The following FBXO21 variants were observed in gnomAD, a reference collection of about 807,000 sequenced individuals.
The protein encoded by FBXO21 is F-box only protein 21.
A neutral mutation model predicts 76.6 loss-of-function variants in FBXO21; 32 were observed. That is an observed-to-expected ratio of 0.42 (90% CI 0.32 to 0.56). The LOEUF (loss-of-function observed/expected upper bound fraction) is 0.56. FBXO21 is among the 20% of genes least tolerant of loss of function. FBXO21 has a pLI of 0.16. For missense variants in FBXO21, 586 were observed against 797.3 expected, an observed-to-expected ratio of 0.73 and a Z score of 3.19; for synonymous variants, 328 against 311.5, an observed-to-expected ratio of 1.05 and a Z score of -0.56.
intron 11 of FBXO21, among the ~76,000 whole-genome samples, chr12:117,153,384 T>C (rs1429044326): frequency 1.3e-5 from 2 of 152,160 alleles, no homozygotes; most frequent in Non-Finnish European, 2.9e-5. Flanking sequence ...TTTCTTTCTT[T>C]ACAGAGATAA....
At chr12:117,166,875 C>T (rs1044088465) in intron 8 of FBXO21, 23 bp downstream of exon 8, 12 of 1,609,504 alleles carry the variant, frequency 7.5e-6, no homozygotes, top group Non-Finnish European at 1.0e-5. Flanking sequence ...TGCAGAAGTA[C>T]TAGAAAACCA....
intron 3 of FBXO21, among the ~76,000 whole-genome samples, chr12:117,182,431 G>A (rs1956243308): frequency 6.6e-6 from 1 of 151,998 alleles, no homozygotes; most frequent in Non-Finnish European, 1.5e-5. Context: ...CAAGGTTACA[G>A]TGAGCCATGA....
In FBXO21 at chr12:117,174,627, G is replaced by A. The variant is rs377054607; in HGVS notation, c.739+24C>T. On this transcript the variant is annotated intron_variant, in intron 5 of 11. Transcript: ENST00000622495. ...CTCTAGATTTTCTTTCATAAATACA[G>A]CTGGATCCAAAGCAATGCCACACCT... 259 of 1,610,650 alleles carry A rather than the reference G, an allele frequency of 1.6e-4. 1 individual carries two copies. The highest frequency in any genetic ancestry group is 2.1e-4 in the Non-Finnish European group (250 of 1,178,372).
Position 117,145,937 on chromosome 12 carries a change from T to C in FBXO21, c.*150A>G, listed in dbSNP as rs1955764199. On this transcript the variant is annotated 3_prime_UTR_variant, in exon 12 of 12. Coordinates refer to ENST00000622495, the MANE Select transcript of FBXO21 (RefSeq NM_015002.3). ...GCAGCTGGGGAAGAGCACACGGTAT[T>C]TAAACTTAGTAGGAGGCAACCAGCA... 1.8e-6 allele frequency: 1 copy of C among 567,168 alleles called. No individual in the cohort carries two copies. The highest frequency in any genetic ancestry group is 2.7e-5 in the South Asian group (1 of 37,648). The allele number at this position is 567,168 out of a possible 1,614,324, so 35.1% of individuals were successfully genotyped here.
intron 5 of FBXO21, 144 bp from the exon 6 acceptor site, chr12:117,174,485 T>C (rs2135874455): frequency 1.7e-6 from 2 of 1,189,472 alleles, no homozygotes; most frequent in Admixed American, 4.0e-5. Context: ...AGGCAGTATG[T>C]ATTTGAAGTG....
chr12:117,145,950 G>A lies in FBXO21; in HGVS notation c.*137C>T. ...AGCACACGGTATTTAAACTTAGTAG[G>A]AGGCAACCAGCACTACTGGTGGAGT... is the stretch of plus-strand genomic sequence containing the variant. On this transcript the variant is annotated 3_prime_UTR_variant, in exon 12 of 12. Coordinates refer to ENST00000622495, the MANE Select transcript of FBXO21 (RefSeq NM_015002.3). 1 of 605,062 alleles carries A rather than the reference G, an allele frequency of 1.7e-6. No homozygotes were observed. Among genetic ancestry groups the A allele is most frequent in the Non-Finnish European group, 2.8e-6 (1 of 355,952 alleles). The allele number at this position is 605,062 out of a possible 1,614,324, so 37.5% of individuals were successfully genotyped here.
At chr12:117,181,604 T>TCTAG (rs1555242812) in intron 3 of FBXO21, among the ~76,000 whole-genome samples, 1 of 87,192 alleles carries the variant, frequency 1.1e-5, no homozygotes, top group Non-Finnish European at 2.1e-5. Flanking sequence ...AGACAGTCTA[T>TCTAG]CTATCTATCT....
At chr12:117,168,416 C>T (rs955142508) in intron 7 of FBXO21, among the ~76,000 whole-genome samples, 1 of 152,012 alleles carries the variant, frequency 6.6e-6, no homozygotes, top group East Asian at 1.9e-4. Context: ...CCCAGCTACT[C>T]GGGAGGCTGA....
intron 3 of FBXO21, among the ~76,000 whole-genome samples, chr12:117,181,993 A>G (rs1301898282): frequency 6.6e-6 from 1 of 152,048 alleles, no homozygotes; most frequent in Non-Finnish European, 1.5e-5. Context: ...TCTTTATTGT[A>G]GGACATACTC....
chr12:117,159,655 C>G (rs2062530), intron 9 of FBXO21, among the ~76,000 whole-genome samples: 57,553 of 152,000 alleles, frequency 0.38, 12,105 homozygotes, highest in Admixed American at 0.55. Flanking sequence ...TTACCCTTTA[C>G]TTTAATAGGA....
intron 11 of FBXO21, among the ~76,000 whole-genome samples, chr12:117,149,126 A>G (rs1955811122): frequency 6.6e-6 from 1 of 152,164 alleles, no homozygotes; most frequent in Admixed American, 6.5e-5. Flanking sequence ...ACAACCTGGT[A>G]TCTTAACCAG....
At position 117,172,608 on chromosome 12, in the gene FBXO21, C is replaced by A. The variant is rs1455502128; in HGVS notation, c.877-1G>T. On this transcript the variant is annotated splice_acceptor_variant, in intron 6 of 11. Transcript: ENST00000622495. LOFTEE classifies it high-confidence loss of function. ...GGATTCCTGTTCTGCGAATCAAAAC[C>A]TAAAGCAGAAAAAATGCTTTTATTT... 1 of 1,608,794 alleles carries A rather than the reference C, an allele frequency of 6.2e-7. No homozygotes were observed. Among genetic ancestry groups the A allele is most frequent in the Non-Finnish European group, 8.5e-7 (1 of 1,176,526 alleles).
chr12:117,181,580 G>C (rs536451181), intron 3 of FBXO21, among the ~76,000 whole-genome samples: 2 of 107,992 alleles, frequency 1.9e-5, no homozygotes, highest in East Asian at 2.9e-4. Flanking sequence ...TCGATCGATC[G>C]ATCTATCTAT....
Position 117,175,389 on chromosome 12 carries a change from C to G in FBXO21, c.593-592G>C, listed in dbSNP as rs1196516092. 3.9e-5 allele frequency among the ~76,000 whole-genome samples: 6 copies of G among 152,240 alleles called. No homozygotes were observed. In the East Asian group the frequency reaches 1.2e-3, roughly 29 times the overall value. On this transcript the variant is annotated intron_variant, in intron 4 of 11. Coordinates refer to ENST00000622495, the MANE Select transcript of FBXO21 (RefSeq NM_015002.3). The stretch of plus-strand genomic sequence containing the variant: ...GTGCAGAGCACACTGCAGACAGTCT[C>G]TTAAGAATCACTCCTCTTCACAGTC...
chr12:117,165,715 C>T, intron 8 of FBXO21, 98 bp from the exon 9 acceptor site: 1 of 1,240,844 alleles, frequency 8.1e-7, no homozygotes, highest in Non-Finnish European at 1.1e-6. Context: ...TGACACAAAT[C>T]CCAAACGTTT....
At chr12:117,188,438 G>A (rs960062810) in intron 2 of FBXO21, among the ~76,000 whole-genome samples, 1 of 152,058 alleles carries the variant, frequency 6.6e-6, no homozygotes, top group Non-Finnish European at 1.5e-5. Context: ...CCGGCTACTC[G>A]GGAGGCTGAG....
chr12:117,153,702 C>T (rs946683397), intron 11 of FBXO21, among the ~76,000 whole-genome samples: 14 of 152,234 alleles, frequency 9.2e-5, no homozygotes, highest in East Asian at 1.9e-4. Flanking sequence ...CGCTTGCTGA[C>T]ACAGCGCTGA....
At chr12:117,187,624 G>A (rs995574564) in intron 2 of FBXO21, among the ~76,000 whole-genome samples, 3 of 152,092 alleles carry the variant, frequency 2.0e-5, no homozygotes, top group Non-Finnish European at 4.4e-5. Context: ...CAAAGTCCTT[G>A]ACATACTTCT....
chr12:117,168,569 CA>C lies in FBXO21; in HGVS notation c.1014-1493del, dbSNP rs75518385. On this transcript the variant is annotated intron_variant, in intron 7 of 11. Coordinates refer to ENST00000622495, the MANE Select transcript of FBXO21 (RefSeq NM_015002.3). ...AATAAATAAACCTATGAGGAAAGTACAAAAAAAAATAAGAATTACATAAATG... is the reference window on the plus strand; with the variant it reads ...AATAAATAAACCTATGAGGAAAGTACAAAAAAAATAAGAATTACATAAATG... 2.0e-3 allele frequency among the ~76,000 whole-genome samples: 295 copies of C among 149,932 alleles called. 5 individuals are homozygous for C. The highest frequency in any genetic ancestry group is 0.016 in the East Asian group (81 of 5,144).
Sources: gnomAD v4.1 joint callset for allele counts (sites outside exome capture counted in the v4.1 genomes callset) on GRCh38, gnomAD v4.1.1 for gene constraint, MANE v1.5 for transcripts, NCBI Gene and HGNC (gene_info 2026-07-23, HGNC 2026-07-21) for gene names.